Variants in GBE1 observed in about 807,000 individuals in gnomAD.
GBE1 encodes the protein 1,4-alpha-glucan branching enzyme 1, also known as 1,4-alpha-glucan-branching enzyme.
GBE1 carries 70 observed loss-of-function variants against 88.8 expected under a neutral mutation model. The ratio of observed to expected loss-of-function variants is 0.79; its 90% confidence interval spans 0.65 to 0.96. The LOEUF is 0.96. Among genes scored for constraint, GBE1 ranks in the 40% least tolerant of loss-of-function variants. The pLI is 0.00. For missense variants in GBE1, 872 were observed against 871.0 expected (o/e 1.00, Z -0.01); for synonymous variants, 284 against 300.1 (o/e 0.95, Z 0.56).
At chr3:81,755,938 A>AT (rs144969922) in intron 1 of GBE1, among the ~76,000 whole-genome samples, 2 of 151,678 alleles carry the variant, frequency 1.3e-5, no homozygotes, top group Non-Finnish European at 2.9e-5. Flanking sequence ...CCTCAATACA[A>AT]TTTTTTTTTA....
chr3:81,552,627 C>A (rs1171365988), intron 12 of GBE1, among the ~76,000 whole-genome samples: 1 of 149,152 alleles, frequency 6.7e-6, no homozygotes, highest in Non-Finnish European at 1.5e-5. Context: ...CTATATTCCA[C>A]ATAAATGTGG....
chr3:81,559,629 C>T (rs756028187), intron 12 of GBE1, among the ~76,000 whole-genome samples: 9 of 151,866 alleles, frequency 5.9e-5, no homozygotes, highest in South Asian at 4.2e-4. Flanking sequence ...GATATCACCC[C>T]GCCGAGAATG....
At chr3:81,600,441 A>T (rs1477227555) in intron 7 of GBE1, among the ~76,000 whole-genome samples, 1 of 152,102 alleles carries the variant, frequency 6.6e-6, no homozygotes, top group Non-Finnish European at 1.5e-5. Context: ...ACTTGAGGCA[A>T]CTTACAGAGA....
At chr3:81,757,242 T>C (rs1706615609) in intron 1 of GBE1, among the ~76,000 whole-genome samples, 2 of 152,104 alleles carry the variant, frequency 1.3e-5, no homozygotes, top group Admixed American at 1.3e-4. Context: ...TCTGGTTAGA[T>C]GGTACCGAGA....
chr3:81,713,063 C>G (rs1461665545), intron 1 of GBE1, among the ~76,000 whole-genome samples: 3 of 152,104 alleles, frequency 2.0e-5, no homozygotes, highest in Admixed American at 6.5e-5. Flanking sequence ...GCTAATAATT[C>G]AGTTACGTGA....
intron 15 of GBE1, among the ~76,000 whole-genome samples, chr3:81,492,296 T>C (rs1408354709): frequency 6.6e-6 from 1 of 152,192 alleles, no homozygotes; most frequent in Non-Finnish European, 1.5e-5. Flanking sequence ...ATCCTTTCCA[T>C]GCAATGTTTT....
At chr3:81,518,096 C>G (rs115097066) in intron 14 of GBE1, among the ~76,000 whole-genome samples, 9 of 151,330 alleles carry the variant, frequency 5.9e-5, no homozygotes, top group African/African-American at 1.7e-4. Flanking sequence ...GTTCCTCCCC[C>G]CCAAACCCCA....
chr3:81,733,777 G>A lies in GBE1; in HGVS notation c.143+27598C>T, dbSNP rs1706219196. On this transcript the variant is annotated intron_variant, in intron 1 of 15. Transcript: ENST00000429644. The surrounding 1 kb of genome is among the most constrained non-coding windows in gnomAD (Gnocchi z 4.0). ...TTGTGATGTTTATTGTGTATCGCCT[G>A]TCTCCTGCTGCTGGAAAGTAAGCTC... Among the ~76,000 whole-genome samples, 1 of 152,140 alleles carries A rather than the reference G, an allele frequency of 6.6e-6. No individual in the cohort carries two copies. Among genetic ancestry groups the A allele is most frequent in the Non-Finnish European group, 1.5e-5 (1 of 68,032 alleles).
chr3:81,737,875 T>C (rs1035214302), intron 1 of GBE1, among the ~76,000 whole-genome samples: 10 of 152,140 alleles, frequency 6.6e-5, no homozygotes, highest in African/African-American at 2.4e-4. Context: ...TAGCATTAGG[T>C]ATATCTCCCA....
At chr3:81,742,901 T>C (rs1706369872) in intron 1 of GBE1, among the ~76,000 whole-genome samples, 1 of 152,058 alleles carries the variant, frequency 6.6e-6, no homozygotes, top group Admixed American at 6.6e-5. Flanking sequence ...CACTACATGA[T>C]AAAAGAATTA....
At chr3:81,726,337 G>A (rs561110263) in intron 1 of GBE1, among the ~76,000 whole-genome samples, 1 of 152,070 alleles carries the variant, frequency 6.6e-6, no homozygotes, top group Non-Finnish European at 1.5e-5. Context: ...TTTATTGTTT[G>A]TGAGCGTGGT....
At chr3:81,711,554 T>C (rs1705865648) in intron 1 of GBE1, among the ~76,000 whole-genome samples, 1 of 152,196 alleles carries the variant, frequency 6.6e-6, no homozygotes, top group African/African-American at 2.4e-5. Context: ...TCCATTGGTC[T>C]ATATCTCTGT....
At position 81,490,429 on chromosome 3, in the gene GBE1, T is replaced by C; in HGVS notation, c.2087A>G (p.Gln696Arg). Reference sequence around the variant, plus strand: ...TCTTCAATTCGGCAGATCCACATTCTGAAGGATGAGGGCCACTCTGCTTGG... The same window carrying C: ...TCTTCAATTCGGCAGATCCACATTCCGAAGGATGAGGGCCACTCTGCTTGG... Reference protein sequence around the residue: ...YIPSRVALILQNVDLPN With the variant: ...YIPSRVALILRNVDLPN The change falls in exon 16 of 16, where the codon CAG becomes CGG. Residue 696 changes from glutamine to arginine, a missense_variant. By Grantham distance (43) the Gln-to-Arg change is conservative. Transcript: ENST00000429644. 1 of 1,613,270 alleles carries C rather than the reference T, an allele frequency of 6.2e-7. No homozygotes were observed. Among genetic ancestry groups the C allele is most frequent in the Non-Finnish European group, 8.5e-7 (1 of 1,179,460 alleles).
intron 10 of GBE1, among the ~76,000 whole-genome samples, chr3:81,585,252 A>G (rs926148167): frequency 4.6e-5 from 7 of 152,128 alleles, no homozygotes; most frequent in African/African-American, 7.2e-5. Context: ...GACAGCTAAG[A>G]AATGATTATA....
intron 9 of GBE1, among the ~76,000 whole-genome samples, chr3:81,589,385 A>C (rs1703845503): frequency 6.9e-6 from 1 of 144,034 alleles, no homozygotes; most frequent in African/African-American, 2.5e-5. Context: ...TCCTTTTCTT[A>C]AAAAAAAAAA....
chr3:81,505,239 GCC>G (rs1260935658), intron 14 of GBE1, among the ~76,000 whole-genome samples: 1 of 152,094 alleles, frequency 6.6e-6, no homozygotes, highest in Non-Finnish European at 1.5e-5. Context: ...TTAAAATAAT[GCC>G]CAGGAGCTAA....
chr3:81,645,780 C>G (rs1173347204), intron 6 of GBE1, among the ~76,000 whole-genome samples: 1 of 152,130 alleles, frequency 6.6e-6, no homozygotes, highest in Non-Finnish European at 1.5e-5. Context: ...TTCATTTTAG[C>G]TTTTATTACA....
intron 2 of GBE1, among the ~76,000 whole-genome samples, chr3:81,698,334 T>C (rs1219779510): frequency 1.3e-5 from 2 of 152,034 alleles, no homozygotes; most frequent in East Asian, 3.9e-4. Flanking sequence ...GCCCATCTTG[T>C]CACATAAAAC....
chr3:81,583,936 T>C (rs1703764623), intron 10 of GBE1, among the ~76,000 whole-genome samples: 1 of 152,094 alleles, frequency 6.6e-6, no homozygotes, highest in East Asian at 1.9e-4. Context: ...TCTCACTGTA[T>C]TATTTCTTAC....
Sources: gnomAD v4.1 joint callset for allele counts (sites outside exome capture counted in the v4.1 genomes callset) on GRCh38, gnomAD v4.1.1 for gene constraint, Gnocchi (gnomAD v3.1) non-coding constraint, MANE v1.5 for transcripts, NCBI Gene and HGNC (gene_info 2026-07-23, HGNC 2026-07-21) for gene names.